The following KCNQ2 variants were observed in gnomAD, a reference collection of about 807,000 sequenced individuals.
KCNQ2 encodes potassium voltage-gated channel subfamily KQT member 2.
KCNQ2 carries 14 observed loss-of-function variants against 84.8 expected under a neutral mutation model. The ratio of observed to expected loss-of-function variants is 0.17; its 90% CI spans 0.11 to 0.26. KCNQ2 has a LOEUF of 0.26. KCNQ2 is among the 10% of genes least tolerant of loss of function. The pLI, the probability that KCNQ2 is intolerant of heterozygous loss-of-function variation, is 1.00. For missense variants in KCNQ2, 788 were observed against 1,254.0 expected (o/e 0.63, Z 5.61); for synonymous variants, 599 against 554.1 (o/e 1.08, Z -1.14).
rs6010936 is a variant in KCNQ2 at position 63,444,641 on chromosome 20, C to T, written c.690+18G>A. On this transcript the variant is annotated intron_variant, in intron 4 of 16. Transcript: ENST00000359125. Reference sequence around the variant, plus strand: ...CTGGCTGGGGGCGCCCACCGCCAGCCTTGGGGCCGTGACTCACCTTGCTGT... The same window carrying T: ...CTGGCTGGGGGCGCCCACCGCCAGCTTTGGGGCCGTGACTCACCTTGCTGT... 6.5e-7 allele frequency: 1 copy of T among 1,535,570 alleles called. No individual in the cohort carries two copies. Among genetic ancestry groups the T allele is most frequent in the Non-Finnish European group, 8.8e-7 (1 of 1,135,304 alleles).
In KCNQ2 at chr20:63,439,578, GC is replaced by G; in HGVS notation, c.927+19del. 6.3e-7 allele frequency: 1 copy of G among 1,582,180 alleles called. No homozygotes were observed. The highest frequency in any genetic ancestry group is 8.7e-7 in the Non-Finnish European group (1 of 1,151,762). On this transcript the variant is annotated intron_variant, in intron 6 of 16. Transcript: ENST00000359125. The stretch of plus-strand genomic sequence containing the variant: ...AAGACCTCGTCCCCCTCCAAGGCAG[GC>G]AGGGGCAGCTGGACTTACTGCAGGC...
chr20:63,456,495 G>C (rs1014887955), intron 1 of KCNQ2, among the ~76,000 whole-genome samples: 5 of 152,142 alleles, frequency 3.3e-5, no homozygotes, highest in Admixed American at 2.6e-4. Flanking sequence ...AACACGTGAA[G>C]GATGGGCGGG....
In KCNQ2 at chr20:63,402,725, G is replaced by A. The variant is rs1019506576; in HGVS notation, c.*3919C>T. The A allele has an allele frequency of 6.6e-6, 1 of 152,310 alleles. No individual in the cohort carries two copies. The highest frequency in any genetic ancestry group is 1.5e-5 in the Non-Finnish European group (1 of 68,106). 9.4% of individuals were successfully genotyped at this position (152,310 alleles called of 1,614,324 possible). A position where few individuals can be genotyped will look rare whatever the true frequency, so the allele number is the denominator to read the frequency against. ...AGCTCAAAGGGTGCCCCCTGGAGAA[G>A]CCCTCACAGTGCCTGGGGTGATTTC... On this transcript the variant is annotated 3_prime_UTR_variant, in exon 17 of 17. Coordinates refer to ENST00000359125, the MANE Select transcript of KCNQ2 (RefSeq NM_172107.4).
intron 1 of KCNQ2, chr20:63,471,887 A>G: frequency 2.6e-6 from 1 of 387,528 alleles, no homozygotes; most frequent in East Asian, 4.3e-5. Flanking sequence ...GGGGCCTCCC[A>G]GGCTGAGGAG....
At chr20:63,423,899 C>CGGG in intron 11 of KCNQ2, 2 of 518,892 alleles carry the variant, frequency 3.9e-6, no homozygotes, top group Non-Finnish European at 3.5e-6. Context: ...GACTTGTGGG[C>CGGG]GGGGTGGGGG....
Position 63,415,092 on chromosome 20 carries a change from TGGA to T in KCNQ2, c.1333_1335del (p.Ser446del). 1 of 1,603,682 alleles carries T rather than the reference TGGA, an allele frequency of 6.2e-7. No homozygotes were observed. Among genetic ancestry groups the T allele is most frequent in the Non-Finnish European group, 8.5e-7 (1 of 1,179,876 alleles). On this transcript the variant is annotated inframe_deletion, in exon 13 of 17. Transcript: ENST00000359125. ...CCCTTGGCAGCCACGCCTCGGGGGCTGGAGAAGACACGATCTTTCAAACTGACC... is the reference window on the plus strand; with the variant it reads ...CCCTTGGCAGCCACGCCTCGGGGGCTGAAGACACGATCTTTCAAACTGACC...
chr20:63,450,427 C>A (rs1420158167), intron 1 of KCNQ2, among the ~76,000 whole-genome samples: 1 of 132,730 alleles, frequency 7.5e-6, no homozygotes, highest in Non-Finnish European at 1.6e-5. Flanking sequence ...CCTGGGGCTG[C>A]CCCAGGTGTG....
Position 63,413,533 on chromosome 20 carries a change from C to T in KCNQ2, c.1680G>A (p.Arg560=), listed in dbSNP as rs769653302. The change falls in exon 15 of 17, where the codon CGG becomes CGA. Residue 560 remains arginine (R), a synonymous_variant. Transcript: ENST00000359125. ...CGATGACGTCCATCACGTCGTAGGG[C>T]CGCAGGCTCTCCTTGAACTTCCGCT... The part of the protein sequence containing the change: ...VSKRKFKESL[R]PYDVMDVIEQ... The T allele has an allele frequency of 6.2e-7, 1 of 1,613,496 alleles. No homozygotes were observed.
chr20:63,407,234 G>T lies in KCNQ2; in HGVS notation c.2029C>A (p.Arg677=), dbSNP rs371851085. 6.2e-7 allele frequency: 1 copy of T among 1,603,282 alleles called. No homozygotes were observed. The highest frequency in any genetic ancestry group is 8.5e-7 in the Non-Finnish European group (1 of 1,179,378). The change falls in exon 17 of 17, where the codon CGG becomes AGG. Residue 677 remains arginine (R), a synonymous_variant. Transcript: ENST00000359125. The surrounding 1 kb of genome is among the most constrained non-coding windows in gnomAD (Gnocchi z 7.2). ...CAGCCGTGCCTGTCGACATGCTCCC[G>T]GCTGTCTTCCGGGCTGTGGTACGGC... ...APPYHSPEDS[R]EHVDRHGCIV... is the part of the protein sequence containing the mutation.
chr20:63,423,168 A>G (rs1320661923), intron 11 of KCNQ2, among the ~76,000 whole-genome samples: 1 of 152,138 alleles, frequency 6.6e-6, no homozygotes, highest in East Asian at 1.9e-4. Flanking sequence ...TGTGGGCCGG[A>G]AGCATTGCCC....
chr20:63,458,211 C>T (rs1316091446), intron 1 of KCNQ2, among the ~76,000 whole-genome samples: 1 of 152,180 alleles, frequency 6.6e-6, no homozygotes, highest in African/African-American at 2.4e-5. Context: ...CCCACTGAGC[C>T]CGCAGAGAAG....
rs765493484 is a variant in KCNQ2 at position 63,407,272 on chromosome 20, G to A, written c.1991C>T (p.Pro664Leu). The stretch of plus-strand genomic sequence containing the variant: ...GCTGTGGTACGGCGGCGCCGGCTCC[G>A]GCTCTTTGGCCCCAAAGTAGGCCTC... Reference protein sequence around the residue: ...ETEAYFGAKEPEPAPPYHSPE... With the variant: ...ETEAYFGAKELEPAPPYHSPE... The change falls in exon 17 of 17, where the codon CCG (proline) becomes CTG (leucine). Residue 664 changes from proline (P) to leucine (L), a missense_variant. Around this residue, in one of 8 missense-constraint regions of KCNQ2, gnomAD observed 378 missense variants for 434.5 expected, o/e 0.87. Transcript: ENST00000359125. This position sits in a 1 kb window ranked among gnomAD's most constrained non-coding sequence, Gnocchi z 7.2. The A allele has an allele frequency of 2.0e-5, 32 of 1,596,084 alleles. No individual in the cohort carries two copies. Among genetic ancestry groups the A allele is most frequent in the Admixed American group, 3.3e-5 (2 of 59,904 alleles).
At chr20:63,448,597 C>A (rs2081507205) in intron 1 of KCNQ2, 1 of 152,296 alleles carries the variant, frequency 6.6e-6, no homozygotes, top group Non-Finnish European at 1.5e-5. Flanking sequence ...GGAGATTCCC[C>A]ACACTCAGGA....
At chr20:63,427,959 C>T (rs986035336) in intron 10 of KCNQ2, among the ~76,000 whole-genome samples, 7 of 152,190 alleles carry the variant, frequency 4.6e-5, no homozygotes, top group South Asian at 2.1e-4. Flanking sequence ...CCTCGACAGC[C>T]GGCACTCTGA....
Position 63,406,943 on chromosome 20 carries a change from A to T in KCNQ2, c.2320T>A (p.Cys774Ser). ...CGCAGGTTCCCCTCGGGGGGCCTGCAGCCCGGGGTGTCCTCCTGCCGCAGG... is the reference window on the plus strand; with the variant it reads ...CGCAGGTTCCCCTCGGGGGGCCTGCTGCCCGGGGTGTCCTCCTGCCGCAGG... ...EFLRQEDTPGCRPPEGNLRDS... is the reference protein window; with the variant it reads ...EFLRQEDTPGSRPPEGNLRDS... Residue 774 changes from cysteine to serine, a missense_variant, in exon 17 of 17, where the codon TGC (cysteine) becomes AGC (serine). By Grantham distance (112) the Cys-to-Ser change is moderately radical. Around this residue, in one of 8 missense-constraint regions of KCNQ2, gnomAD observed 378 missense variants for 434.5 expected, o/e 0.87. Transcript: ENST00000359125. 1 of 1,589,112 alleles carries T rather than the reference A, an allele frequency of 6.3e-7. No individual in the cohort carries two copies. The highest frequency in any genetic ancestry group is 8.5e-7 in the Non-Finnish European group (1 of 1,171,118).
chr20:63,419,278 G>C (rs1010031568), intron 12 of KCNQ2, among the ~76,000 whole-genome samples: 4 of 152,204 alleles, frequency 2.6e-5, no homozygotes, highest in African/African-American at 7.2e-5. Context: ...CAGCAGAGGT[G>C]CTAGAGTGAC....
chr20:63,433,199 A>G (rs1156881062), intron 8 of KCNQ2, among the ~76,000 whole-genome samples: 1 of 152,234 alleles, frequency 6.6e-6, no homozygotes, highest in East Asian at 1.9e-4. Context: ...ACAGGCTCAC[A>G]GGACCTGCTA....
chr20:63,429,266 T>TC (rs11482788), intron 9 of KCNQ2, among the ~76,000 whole-genome samples: 63,387 of 144,836 alleles, frequency 0.44, 13,750 homozygotes, highest in East Asian at 0.6. Context: ...CTCTGGGGCC[T>TC]CCCCCACCCG....
chr20:63,408,589 C>T lies in KCNQ2; in HGVS notation c.1764-53G>A. 6.3e-7 allele frequency: 1 copy of T among 1,595,426 alleles called. No homozygotes were observed. Among genetic ancestry groups the T allele is most frequent in the South Asian group, 1.1e-5 (1 of 88,394 alleles). On this transcript the variant is annotated intron_variant, in intron 15 of 16. Transcript: ENST00000359125. The surrounding 1 kb of genome is among the most constrained non-coding windows in gnomAD (Gnocchi z 5.0). ...GAGTTCGGGTGGGTGCAGCAGGGCCCCTGCCCTCTCCTCCTGGACCAGGCC... is the reference window on the plus strand; with the variant it reads ...GAGTTCGGGTGGGTGCAGCAGGGCCTCTGCCCTCTCCTCCTGGACCAGGCC...
Sources: allele counts gnomAD v4.1 joint callset (sites outside exome capture counted in the v4.1 genomes callset), GRCh38; gene constraint gnomAD v4.1.1; regional missense constraint gnomAD v4.1.1; non-coding constraint Gnocchi (gnomAD v3.1); transcripts MANE v1.5; gene names NCBI Gene and HGNC (gene_info 2026-07-23, HGNC 2026-07-21).